Variants in NIBAN1 observed in about 807,000 individuals in gnomAD.
The protein encoded by NIBAN1 is niban apoptosis regulator 1.
A neutral mutation model predicts 75.1 loss-of-function variants in NIBAN1; 81 were observed. The ratio of observed to expected loss-of-function variants is 1.08; its 90% CI spans 0.90 to 1.30. NIBAN1 has a LOEUF of 1.30. Among genes scored for constraint, NIBAN1 ranks in the 50% most tolerant of loss-of-function variants. The pLI, the probability that NIBAN1 is intolerant of heterozygous loss-of-function variation, is 0.00. For synonymous variants in NIBAN1, 436 were observed against 424.8 expected (o/e 1.03, Z -0.32); for missense variants, 1,133 against 1,128.1 (o/e 1.00, Z -0.06).
At chr1:184,855,509 T>C (rs111506297) in intron 5 of NIBAN1, among the ~76,000 whole-genome samples, 41 of 152,282 alleles carry the variant, frequency 2.7e-4, no homozygotes, top group African/African-American at 9.1e-4. Flanking sequence ...TCTCTTCAGT[T>C]CTAGGCTGGG....
chr1:184,841,950 A>G (rs644649), intron 5 of NIBAN1, among the ~76,000 whole-genome samples: 87,905 of 151,932 alleles, frequency 0.58, 25,929 homozygotes, highest in African/African-American at 0.67. Context: ...TGTAAACTCC[A>G]AAAGGATAGG....
chr1:184,957,844 T>G lies in NIBAN1; in HGVS notation c.55+16458A>C, dbSNP rs192011920. Reference sequence around the variant, plus strand: ...TTCCAAAGGTGAAAGCTCCATTTATTTATTTTTTATTGTATGCCTTACTTC... The same window carrying G: ...TTCCAAAGGTGAAAGCTCCATTTATGTATTTTTTATTGTATGCCTTACTTC... On this transcript the variant is annotated intron_variant, in intron 1 of 13. Coordinates refer to ENST00000367511, the MANE Select transcript of NIBAN1 (RefSeq NM_052966.4). 4.9e-3 allele frequency among the ~76,000 whole-genome samples: 753 copies of G among 152,328 alleles called. 5 individuals are homozygous for G. The highest frequency in any genetic ancestry group is 8.4e-3 in the Non-Finnish European group (570 of 68,024).
At chr1:184,803,290 G>A (rs1473974854) in intron 12 of NIBAN1, among the ~76,000 whole-genome samples, 1 of 152,208 alleles carries the variant, frequency 6.6e-6, no homozygotes, top group African/African-American at 2.4e-5. Context: ...ACTGCCCTTT[G>A]AGATTTTGTC....
At chr1:184,908,713 A>C (rs1389044819) in intron 1 of NIBAN1, among the ~76,000 whole-genome samples, 1 of 152,186 alleles carries the variant, frequency 6.6e-6, no homozygotes, top group Admixed American at 6.5e-5. Context: ...AGTGCTTGGA[A>C]ATTTTCAAGA....
chr1:184,973,445 G>A (rs950453107), intron 1 of NIBAN1, among the ~76,000 whole-genome samples: 6 of 151,908 alleles, frequency 3.9e-5, no homozygotes, highest in Non-Finnish European at 8.8e-5. Context: ...CGGCGGGGCG[G>A]GGGAAAGACA....
intron 1 of NIBAN1, among the ~76,000 whole-genome samples, chr1:184,935,787 A>AG (rs2102039705): frequency 8.2e-6 from 1 of 122,390 alleles, no homozygotes; most frequent in East Asian, 2.3e-4. Context: ...GTCAAGAGTT[A>AG]GGGTTTTTTT....
chr1:184,842,300 C>T (rs1315139686), intron 5 of NIBAN1, among the ~76,000 whole-genome samples: 1 of 152,212 alleles, frequency 6.6e-6, no homozygotes, highest in African/African-American at 2.4e-5. Flanking sequence ...GATAGCTGGC[C>T]CCCACTCCCA....
chr1:184,891,931 A>G (rs1386088904), intron 3 of NIBAN1, among the ~76,000 whole-genome samples: 2 of 152,244 alleles, frequency 1.3e-5, no homozygotes, highest in Non-Finnish European at 2.9e-5. Flanking sequence ...GTTATTACCA[A>G]ATTAAGTCAC....
rs926515509 is a variant in NIBAN1 at position 184,791,125 on chromosome 1, C to G, written c.*3852G>C. On this transcript the variant is annotated 3_prime_UTR_variant, in exon 14 of 14. Transcript: ENST00000367511. ...AAGTTTATTTGCTTTATATAGTGACCGGGAAAGTCAATCCACAGTGTCGAT... is the reference window on the plus strand; with the variant it reads ...AAGTTTATTTGCTTTATATAGTGACGGGGAAAGTCAATCCACAGTGTCGAT... 1 of 446,992 alleles carries G rather than the reference C, an allele frequency of 2.2e-6. No individual in the cohort carries two copies. Among genetic ancestry groups the G allele is most frequent in the African/African-American group, 2.0e-5 (1 of 48,866 alleles). The allele number at this position is 446,992 out of a possible 1,614,324, so 27.7% of individuals were successfully genotyped here.
chr1:184,874,589 T>A (rs530957243), intron 5 of NIBAN1, among the ~76,000 whole-genome samples: 452 of 152,224 alleles, frequency 3.0e-3, no homozygotes, highest in African/African-American at 0.01. Context: ...TGTATGTATA[T>A]GTGTGTGCTT....
Position 184,922,103 on chromosome 1 carries a change from A to G in NIBAN1, c.56-22794T>C, listed in dbSNP as rs149688426. On this transcript the variant is annotated intron_variant, in intron 1 of 13. Coordinates refer to ENST00000367511, the MANE Select transcript of NIBAN1 (RefSeq NM_052966.4). ...TTTCACATCTCCTTCATTTTTTTTA[A>G]TTTTTAATTTTTGTGGGTCCATAGT... Among the ~76,000 whole-genome samples the G allele has an allele frequency of 4.3e-3, 648 of 152,048 alleles. 4 individuals carry two copies. Among genetic ancestry groups the G allele is most frequent in the Non-Finnish European group, 4.8e-3 (325 of 67,966 alleles).
At position 184,795,904 on chromosome 1, in the gene NIBAN1, C is replaced by T; in HGVS notation, c.1860G>A (p.Gln620=). ...GSETLSNEVF[Q]ESEEEKQPEV... is the part of the protein sequence containing the mutation. ...CAGGCTGCTTCTCTTCCTCTGACTCCTGGAATACTTCGTTACTGAGGGTCT... is the reference window on the plus strand; with the variant it reads ...CAGGCTGCTTCTCTTCCTCTGACTCTTGGAATACTTCGTTACTGAGGGTCT... The change falls in exon 14 of 14, where the codon CAG becomes CAA. Residue 620 remains glutamine, a synonymous_variant. Coordinates refer to ENST00000367511, the MANE Select transcript of NIBAN1 (RefSeq NM_052966.4). 1 of 1,614,042 alleles carries T rather than the reference C, an allele frequency of 6.2e-7. No individual in the cohort carries two copies. Among genetic ancestry groups the T allele is most frequent in the Non-Finnish European group, 8.5e-7 (1 of 1,179,980 alleles).
chr1:184,796,226 G>T, intron 13 of NIBAN1, 129 bp from the exon 14 acceptor site: 2 of 879,466 alleles, frequency 2.3e-6, no homozygotes, highest in Non-Finnish European at 3.3e-6. Context: ...AGCCTTCCCT[G>T]ATGACCAAAG....
chr1:184,899,807 C>CTTTTTTTTT, intron 1 of NIBAN1, among the ~76,000 whole-genome samples: 1 of 100,346 alleles, frequency 1.0e-5, no homozygotes, highest in Non-Finnish European at 2.0e-5. Flanking sequence ...ACATCACTCT[C>CTTTTTTTTT]TTTTTTTTTT....
chr1:184,807,376 GTGAT>G (rs1219256459), intron 10 of NIBAN1, among the ~76,000 whole-genome samples: 2 of 151,600 alleles, frequency 1.3e-5, no homozygotes, highest in Non-Finnish European at 1.5e-5. Context: ...ATATGAAGCT[GTGAT>G]TGATTGATTG....
intron 5 of NIBAN1, chr1:184,868,665 C>T (rs1460103834): frequency 1.3e-5 from 2 of 152,302 alleles, no homozygotes; most frequent in East Asian, 1.9e-4. Context: ...AAGAAATTAT[C>T]CATGTCAAGT....
chr1:184,843,075 A>G (rs1315771168), intron 5 of NIBAN1, among the ~76,000 whole-genome samples: 2 of 152,234 alleles, frequency 1.3e-5, no homozygotes, highest in South Asian at 2.1e-4. Context: ...GTGATGGTTA[A>G]AAATAGTACC....
At chr1:184,949,846 T>G (rs1658317421) in intron 1 of NIBAN1, among the ~76,000 whole-genome samples, 1 of 152,156 alleles carries the variant, frequency 6.6e-6, no homozygotes, top group Non-Finnish European at 1.5e-5. Context: ...AAATTGGGGA[T>G]GACAATATCC....
chr1:184,890,353 T>C (rs370706856), intron 3 of NIBAN1, 131 bp from the exon 4 acceptor site: 2 of 653,516 alleles, frequency 3.1e-6, no homozygotes. Context: ...TATTGAGTTA[T>C]AGTCATTTAC....
Sources: gnomAD v4.1 joint callset for allele counts (sites outside exome capture counted in the v4.1 genomes callset) on GRCh38, gnomAD v4.1.1 for gene constraint, MANE v1.5 for transcripts, NCBI Gene and HGNC (gene_info 2026-07-23, HGNC 2026-07-21) for gene names.